COL6A5: variants seen among roughly 807,000 people sequenced by gnomAD.
COL6A5 encodes collagen alpha-5(VI) chain.
COL6A5 carries 48 observed loss-of-function variants against 65.6 expected under a neutral mutation model. That is an observed-to-expected ratio of 0.73 (90% confidence interval 0.58 to 0.93). The LOEUF (loss-of-function observed/expected upper bound fraction) is 0.93. Among genes scored for constraint, COL6A5 ranks in the 40% least tolerant of loss-of-function variants. The probability of loss-of-function intolerance (pLI) is 0.00; values close to 1 mark genes in which losing one functional copy is unlikely to be tolerated. For missense variants in COL6A5, 914 were observed against 928.3 expected (o/e 0.98, Z 0.20); for synonymous variants, 291 against 322.8 (o/e 0.90, Z 1.05).
rs752157374 is a variant in COL6A5, at chr3:130,472,856, T to TATATATAC, written c.2328+1892_2328+1893insTATACATA. Reference sequence around the variant, plus strand: ...ACATATATATATATATATATATATATATACACATTTATAAATATAGATATA... The same window carrying TATATATAC: ...ACATATATATATATATATATATATATATATATACATACACATTTATAAATATAGATATA... On this transcript the variant is annotated intron_variant, in intron 7 of 7. Transcript: ENST00000512836. 9.8e-3 allele frequency among the ~76,000 whole-genome samples: 1,404 copies of TATATATAC among 143,336 alleles called. 19 individuals carry two copies. The highest frequency in any genetic ancestry group is 0.016 in the Non-Finnish European group (1,071 of 65,874). 94.0% of individuals were successfully genotyped at this position (143,336 alleles called of 152,430 possible). A position where few individuals can be genotyped will look rare whatever the true frequency, so the allele number is the denominator to read the frequency against.
At chr3:130,421,746 GTTCCTCCT>G (rs1235138245) in intron 27 of COL6A5, among the ~76,000 whole-genome samples, 3 of 151,878 alleles carry the variant, frequency 2.0e-5, no homozygotes, top group African/African-American at 7.3e-5. Flanking sequence ...TTCTAATTGG[GTTCCTCCT>G]TCCATCTTTT....
chr3:130,412,388 G>T (rs1394672811), intron 20 of COL6A5, among the ~76,000 whole-genome samples: 1 of 152,170 alleles, frequency 6.6e-6, no homozygotes, highest in Non-Finnish European at 1.5e-5. Context: ...TCCAGAGTCT[G>T]GGCTGCTAAC....
chr3:130,450,929 A>G (rs1709416127), intron 4 of COL6A5, among the ~76,000 whole-genome samples: 1 of 152,156 alleles, frequency 6.6e-6, no homozygotes, highest in Non-Finnish European at 1.5e-5. Context: ...ACTTCGATTT[A>G]GCTGAGCCTG....
intron 4 of COL6A5, among the ~76,000 whole-genome samples, chr3:130,446,046 T>C (rs748564846): frequency 2.0e-5 from 3 of 152,152 alleles, no homozygotes; most frequent in Admixed American, 6.5e-5. Flanking sequence ...AGAGACCAAA[T>C]GTCCCATTTT....
chr3:130,404,546 G>A (rs1044039655), intron 13 of COL6A5, among the ~76,000 whole-genome samples: 1 of 152,124 alleles, frequency 6.6e-6, no homozygotes, highest in Non-Finnish European at 1.5e-5. Flanking sequence ...GACCACTAAG[G>A]GGGGTGCTCT....
Position 130,403,593 on chromosome 3 carries a change from C to A in COL6A5, c.4228-16C>A. 3 of 1,549,274 alleles carry A rather than the reference C, an allele frequency of 1.9e-6. No homozygotes were observed. Among genetic ancestry groups the A allele is most frequent in the Non-Finnish European group, 1.7e-6 (2 of 1,145,342 alleles). ...GGGGGGGTGACTAAAATGTATTGTT[C>A]TCTCTTTCTTCCCAGGGTTCTCAAG... On this transcript the variant is annotated splice_polypyrimidine_tract_variant and intron_variant and NMD_transcript_variant, in intron 12 of 41. Coordinates refer to the COL6A5 transcript ENST00000312481.
intron 20 of COL6A5, among the ~76,000 whole-genome samples, chr3:130,411,452 T>C (rs1394131645): frequency 6.6e-6 from 1 of 152,182 alleles, no homozygotes; most frequent in African/African-American, 2.4e-5. Context: ...GGATAGATGG[T>C]GAAGAAATGT....
chr3:130,415,623 A>C, intron 22 of COL6A5, 22 bp from the exon 23 acceptor site: 1 of 1,534,642 alleles, frequency 6.5e-7, no homozygotes, highest in Admixed American at 2.1e-5. Context: ...ATTGCATTGT[A>C]TTTCCTTTGT....
At chr3:130,374,466 T>C (rs1935689075) in intron 2 of COL6A5, among the ~76,000 whole-genome samples, 1 of 152,062 alleles carries the variant, frequency 6.6e-6, no homozygotes. Context: ...ATAATCGTAT[T>C]TTTTTGAGAC....
At chr3:130,347,436 CTGTT>C (rs1404661991) in intron 1 of COL6A5, among the ~76,000 whole-genome samples, 2 of 152,022 alleles carry the variant, frequency 1.3e-5, no homozygotes, top group African/African-American at 4.8e-5. Context: ...AATCACCTCT[CTGTT>C]TGAAAAGAAC....
At chr3:130,373,460 T>C (rs1036406155) in intron 1 of COL6A5, among the ~76,000 whole-genome samples, 151 bp from the exon 2 acceptor site, 9 of 152,196 alleles carry the variant, frequency 5.9e-5, no homozygotes, top group Non-Finnish European at 1.0e-4. Context: ...TTTCAACAAA[T>C]ACTCCAAATG....
chr3:130,370,158 G>A (rs1167829788), intron 1 of COL6A5, among the ~76,000 whole-genome samples: 1 of 152,134 alleles, frequency 6.6e-6, no homozygotes, highest in African/African-American at 2.4e-5. Flanking sequence ...GAGTTAGGAG[G>A]AGCCTTAGAG....
chr3:130,403,730 AACAC>A (rs1232521060), intron 13 of COL6A5, 68 bp downstream of exon 13: 5 of 901,898 alleles, frequency 5.5e-6, no homozygotes, highest in Non-Finnish European at 7.8e-6. Flanking sequence ...CACACACACA[AACAC>A]ACACTTATTT....
rs1559871376 is a variant in COL6A5, at chr3:130,385,380, A to C, written c.1861+16A>C. On this transcript the variant is annotated intron_variant and NMD_transcript_variant, in intron 5 of 41. Transcript: ENST00000312481. ...GCTGAAAAAGGTAAGCAACACAAAA[A>C]AGGCTTTATTCTCCACATTTCATCA... The C allele has an allele frequency of 7.1e-6, 11 of 1,543,774 alleles. No individual in the cohort carries two copies. In the South Asian group the frequency reaches 1.3e-4, roughly 19 times the overall value.
At chr3:130,413,644 G>A (rs1937249272) in intron 21 of COL6A5, 64 bp downstream of exon 21, 1 of 1,476,200 alleles carries the variant, frequency 6.8e-7, no homozygotes, top group South Asian at 1.2e-5. Context: ...TCCCATGTAG[G>A]TGGTGCTGGG....
exon 9 of COL6A5, chr3:130,397,708 A>C (rs1321374888): frequency 6.5e-7 from 1 of 1,550,072 alleles, no homozygotes; most frequent in African/African-American, 1.4e-5. Context: ...CAGCTCTATC[A>C]AGGGGGTGAG....
chr3:130,363,720 G>A (rs558157809), intron 1 of COL6A5, among the ~76,000 whole-genome samples: 1 of 152,132 alleles, frequency 6.6e-6, no homozygotes, highest in Non-Finnish European at 1.5e-5. Flanking sequence ...GCTCCCTGAG[G>A]TAAAACTTAA....
intron 3 of COL6A5, among the ~76,000 whole-genome samples, chr3:130,441,101 A>C (rs1056361724): frequency 2.0e-5 from 3 of 152,140 alleles, no homozygotes; most frequent in Non-Finnish European, 2.9e-5. Context: ...TATGAATCAC[A>C]TTTGCTCAAG....
chr3:130,474,514 T>C (rs1710039921), intron 7 of COL6A5, among the ~76,000 whole-genome samples: 1 of 151,922 alleles, frequency 6.6e-6, no homozygotes, highest in South Asian at 2.1e-4. Context: ...ATCAAAGACA[T>C]TAAAGTAGCT....
Sources: allele counts gnomAD v4.1 joint callset (sites outside exome capture counted in the v4.1 genomes callset), GRCh38; gene constraint gnomAD v4.1.1; transcripts MANE v1.5; gene names NCBI Gene and HGNC (gene_info 2026-07-23, HGNC 2026-07-21).